IL1RAPL1: variants seen among roughly 807,000 people sequenced by gnomAD.
The protein encoded by IL1RAPL1 is interleukin-1 receptor accessory protein-like 1.
A neutral mutation model predicts 48.4 loss-of-function variants in IL1RAPL1; 3 were observed. The ratio of observed to expected loss-of-function variants is 0.06; its 90% CI spans 0.03 to 0.16. The LOEUF is 0.16. IL1RAPL1 is among the 10% of genes least tolerant of loss of function. IL1RAPL1 has a pLI of 1.00. For synonymous variants in IL1RAPL1, 185 were observed against 187.7 expected (o/e 0.99, Z 0.12); for missense variants, 349 against 530.6 (o/e 0.66, Z 3.36).
intron 2 of IL1RAPL1, among the ~76,000 whole-genome samples, chrX:28,983,587 G>A (rs1228216204): frequency 2.7e-5 from 3 of 111,700 alleles, no homozygotes; most frequent in Non-Finnish European, 5.6e-5. Flanking sequence ...AGTTTGTCAT[G>A]GGGGCATTTT....
chrX:29,186,057 GT>G (rs753103768), intron 2 of IL1RAPL1, among the ~76,000 whole-genome samples: 1 of 112,007 alleles, frequency 8.9e-6, no homozygotes, highest in South Asian at 3.7e-4. Flanking sequence ...AAAACTCACT[GT>G]TAATAGGTGT....
At chrX:29,343,258 T>C (rs1933107001) in intron 3 of IL1RAPL1, among the ~76,000 whole-genome samples, 1 of 112,157 alleles carries the variant, frequency 8.9e-6, no homozygotes, top group African/African-American at 3.2e-5. Flanking sequence ...AGATTGTAGG[T>C]ACTTTTGCTT....
intron 2 of IL1RAPL1, among the ~76,000 whole-genome samples, chrX:28,945,149 G>A (rs1302036341): frequency 9.0e-6 from 1 of 111,550 alleles, no homozygotes; most frequent in South Asian, 3.7e-4. Flanking sequence ...TTACACTGTT[G>A]GTTGGAATGT....
intron 2 of IL1RAPL1, among the ~76,000 whole-genome samples, chrX:28,826,721 T>C (rs189486357): frequency 4.5e-4 from 50 of 111,014 alleles, no homozygotes; most frequent in African/African-American, 1.5e-3. Flanking sequence ...TGAAGCCAAC[T>C]CTTTAGGGGG....
In IL1RAPL1 at chrX:29,280,304, G is replaced by C. The variant is rs183580213; in HGVS notation, c.83-2634G>C. 3.6e-3 allele frequency among the ~76,000 whole-genome samples: 403 copies of C among 111,940 alleles called. 3 individuals carry two copies. Among genetic ancestry groups the C allele is most frequent in the Non-Finnish European group, 4.8e-3 (257 of 53,214 alleles). On this transcript the variant is annotated intron_variant, in intron 2 of 10. Coordinates refer to ENST00000378993, the MANE Select transcript of IL1RAPL1 (RefSeq NM_014271.4). ...TGACAGGAATTATGACAATGACTCAGACATTGATGGTGCCCACCAAGCTTC... is the reference window on the plus strand; with the variant it reads ...TGACAGGAATTATGACAATGACTCACACATTGATGGTGCCCACCAAGCTTC...
chrX:29,049,279 C>A (rs181338503), intron 2 of IL1RAPL1, among the ~76,000 whole-genome samples: 28 of 112,562 alleles, frequency 2.5e-4, no homozygotes, highest in African/African-American at 9.0e-4. Flanking sequence ...ATAATGTTCC[C>A]TCCGCTTCTT....
intron 6 of IL1RAPL1, among the ~76,000 whole-genome samples, chrX:29,830,318 C>CA (rs1328467943): frequency 9.0e-6 from 1 of 111,506 alleles, no homozygotes; most frequent in Admixed American, 9.5e-5. Context: ...ATTGAGGGAG[C>CA]ATATATGAAT....
chrX:28,786,158 G>T (rs1936470787), intron 1 of IL1RAPL1, among the ~76,000 whole-genome samples: 1 of 111,538 alleles, frequency 9.0e-6, no homozygotes, highest in African/African-American at 3.3e-5. Flanking sequence ...AATAATAAAA[G>T]TAATAACAAT....
At chrX:29,786,443 T>A (rs1929501476) in intron 6 of IL1RAPL1, among the ~76,000 whole-genome samples, 1 of 111,523 alleles carries the variant, frequency 9.0e-6, no homozygotes, top group African/African-American at 3.3e-5. Flanking sequence ...GCTTCAGATT[T>A]GTATGATAAG....
chrX:28,754,879 A>G (rs1432324479), intron 1 of IL1RAPL1, among the ~76,000 whole-genome samples: 4 of 112,621 alleles, frequency 3.6e-5, no homozygotes, highest in Non-Finnish European at 7.5e-5. Flanking sequence ...GGGTAGCTAC[A>G]TATATAAATG....
At chrX:29,545,675 A>G (rs1921605326) in intron 5 of IL1RAPL1, among the ~76,000 whole-genome samples, 1 of 112,187 alleles carries the variant, frequency 8.9e-6, no homozygotes. Context: ...CACTTTATTC[A>G]TTGCTGAGAG....
chrX:28,771,390 G>T (rs1034001172), intron 1 of IL1RAPL1, among the ~76,000 whole-genome samples: 1 of 112,560 alleles, frequency 8.9e-6, no homozygotes, highest in African/African-American at 3.2e-5. Flanking sequence ...AAAGAGAAGA[G>T]AATGAATGCG....
At chrX:29,204,481 A>AT (rs1173691167) in intron 2 of IL1RAPL1, among the ~76,000 whole-genome samples, 3 of 110,960 alleles carry the variant, frequency 2.7e-5, no homozygotes, top group Non-Finnish European at 5.7e-5. Context: ...GATGCTGAGC[A>AT]TTTTTTCCAT....
intron 1 of IL1RAPL1, among the ~76,000 whole-genome samples, chrX:28,769,894 A>G (rs1196620173): frequency 8.9e-6 from 1 of 112,038 alleles, no homozygotes; most frequent in African/African-American, 3.2e-5. Flanking sequence ...CTTCTTGTCC[A>G]ATTGTTTTAT....
chrX:28,689,229 A>G, intron 1 of IL1RAPL1, among the ~76,000 whole-genome samples: 1 of 111,159 alleles, frequency 9.0e-6, no homozygotes, highest in South Asian at 3.9e-4. Flanking sequence ...GAATTGTAAT[A>G]ATCCCCATGG....
At chrX:28,682,771 T>G (rs188957900) in intron 1 of IL1RAPL1, among the ~76,000 whole-genome samples, 62 of 112,574 alleles carry the variant, frequency 5.5e-4, no homozygotes, top group Non-Finnish European at 4.1e-4. Flanking sequence ...GATATGAACT[T>G]TGATGTTTAG....
At chrX:28,789,452 G>A (rs369615905) in intron 2 of IL1RAPL1, 27 bp downstream of exon 2, 4 of 1,072,855 alleles carry the variant, frequency 3.7e-6, no homozygotes, top group Non-Finnish European at 5.2e-6. Context: ...TATTTTTTAT[G>A]TGTTTTTATA....
At chrX:28,590,330 A>AT (rs1933895039) in intron 1 of IL1RAPL1, among the ~76,000 whole-genome samples, 1 of 111,093 alleles carries the variant, frequency 9.0e-6, no homozygotes, top group African/African-American at 3.3e-5. Context: ...AGATGAGATG[A>AT]TTTTTTTCTG....
intron 2 of IL1RAPL1, among the ~76,000 whole-genome samples, chrX:29,195,786 C>G (rs1428293468): frequency 2.7e-5 from 3 of 110,499 alleles, no homozygotes; most frequent in African/African-American, 9.9e-5. Context: ...GTCTCGAGCT[C>G]CTGACCTCAG....
Sources: gnomAD v4.1 joint callset for allele counts (sites outside exome capture counted in the v4.1 genomes callset) on GRCh38, gnomAD v4.1.1 for gene constraint, MANE v1.5 for transcripts, NCBI Gene and HGNC (gene_info 2026-07-23, HGNC 2026-07-21) for gene names.